CCNT2: variants seen among roughly 807,000 people sequenced by gnomAD.
The protein encoded by CCNT2 is cyclin T2, also known as cyclin-T2.
In CCNT2, 18 loss-of-function variants were observed where a neutral mutation model predicts 70.0. That is an observed-to-expected ratio of 0.26 (90% confidence interval 0.18 to 0.38). The LOEUF (loss-of-function observed/expected upper bound fraction) is 0.38. Among genes scored for constraint, CCNT2 ranks in the 10% least tolerant of loss-of-function variants. The pLI, the probability that CCNT2 is intolerant of heterozygous loss-of-function variation, is 1.00. For missense variants in CCNT2, 734 were observed against 890.2 expected (o/e 0.82, Z 2.23); for synonymous variants, 334 against 313.3 (o/e 1.07, Z -0.70).
chr2:134,944,577 T>A (rs1351945167), intron 5 of CCNT2: 3 of 973,582 alleles, frequency 3.1e-6, no homozygotes, highest in South Asian at 9.5e-5. Flanking sequence ...AAATTTGATA[T>A]GTCATCCAAA....
rs1055797801 is a variant in CCNT2 at position 134,958,972 on chromosome 2, G to A, written c.*4324G>A. The A allele has an allele frequency of 3.3e-5, 5 of 152,156 alleles. No individual in the cohort carries two copies. The highest frequency in any genetic ancestry group is 7.4e-5 in the Non-Finnish European group (5 of 68,026). 9.4% of individuals were successfully genotyped at this position (152,156 alleles called of 1,614,324 possible). ...CCATTTATCTCAAAGTTTGAGGGCT[G>A]TCTACTTTATTTTCAAGTTTGGGGC... is the stretch of plus-strand genomic sequence containing the variant. On this transcript the variant is annotated 3_prime_UTR_variant, in exon 9 of 9. Transcript: ENST00000264157.
chr2:134,924,578 T>C (rs899454570), intron 2 of CCNT2, among the ~76,000 whole-genome samples: 4 of 152,128 alleles, frequency 2.6e-5, no homozygotes, highest in Non-Finnish European at 5.9e-5. Flanking sequence ...GCCTCCTGGG[T>C]AGCTGGGATT....
At position 134,931,682 on chromosome 2, in the gene CCNT2, A is replaced by C. The variant is rs540137319; in HGVS notation, c.241-5159A>C. 7.9e-5 allele frequency among the ~76,000 whole-genome samples: 12 copies of C among 152,320 alleles called. 1 individual carries two copies. In the South Asian group the frequency reaches 2.5e-3, roughly 32 times the overall value. On this transcript the variant is annotated intron_variant, in intron 2 of 8. Coordinates refer to ENST00000264157, the MANE Select transcript of CCNT2 (RefSeq NM_058241.3). ...CTTCGTGATAATCTGTTCGAAGGAA[A>C]GTGGCCTTTTGTAACATTTATGTAG...
Position 134,939,017 on chromosome 2 carries a change from A to T in CCNT2, c.385A>T (p.Thr129Ser). 6.2e-7 allele frequency: 1 copy of T among 1,608,772 alleles called. No homozygotes were observed. Among genetic ancestry groups the T allele is most frequent in the Non-Finnish European group, 8.5e-7 (1 of 1,175,748 alleles). The change falls in exon 4 of 9, where the codon ACT becomes TCT. Residue 129 changes from threonine to serine, a missense_variant. This residue lies in a region of CCNT2 where 161 missense variants were observed against 303.8 expected (regional missense o/e 0.53). Transcript: ENST00000264157. ...TATCTGACAGGCTTACCTTCAACAGACTCAAGAACTGGTTATACTTGAAAC... is the reference window on the plus strand; with the variant it reads ...TATCTGACAGGCTTACCTTCAACAGTCTCAAGAACTGGTTATACTTGAAAC... Reference protein sequence around the residue: ...DTKCDAYLQQTQELVILETIM... With the variant: ...DTKCDAYLQQSQELVILETIM...
At position 134,954,449 on chromosome 2, in the gene CCNT2, C is replaced by T; in HGVS notation, c.1994C>T (p.Pro665Leu). The T allele has an allele frequency of 6.2e-7, 1 of 1,614,076 alleles. No homozygotes were observed. The highest frequency in any genetic ancestry group is 8.5e-7 in the Non-Finnish European group (1 of 1,179,994). ...TCTCACAACTCTGTTTTTAACCATCCCTTACCCCCTCCTCCCCCTGTCACA... is the reference window on the plus strand; with the variant it reads ...TCTCACAACTCTGTTTTTAACCATCTCTTACCCCCTCCTCCCCCTGTCACA... The part of the protein sequence containing the change: ...ISSHNSVFNH[P>L]LPPPPPVTYQ... The change falls in exon 9 of 9, where the codon CCC becomes CTC. Residue 665 changes from proline (P) to leucine (L), a missense_variant. Pro to Leu is a moderately conservative substitution (Grantham distance 98, BLOSUM62 -3). Coordinates refer to ENST00000264157, the MANE Select transcript of CCNT2 (RefSeq NM_058241.3).
In CCNT2 at chr2:134,936,889, G is replaced by C. The variant is rs1176953792; in HGVS notation, c.289G>C (p.Ala97Pro). 7 of 1,613,156 alleles carry C rather than the reference G, an allele frequency of 4.3e-6. No homozygotes were observed. Residue 97 changes from alanine (A) to proline (P), a missense_variant, in exon 3 of 9, where the codon GCT becomes CCT. Ala to Pro is a conservative substitution (Grantham distance 27). This residue lies in a region of CCNT2 where 161 missense variants were observed against 303.8 expected (regional missense o/e 0.53). Coordinates refer to ENST00000264157, the MANE Select transcript of CCNT2 (RefSeq NM_058241.3). ...LFLAAKVEEQ[A>P]RKLEHVIKVA... Reference sequence around the variant, plus strand: ...TTTGGCTGCAAAAGTGGAAGAACAGGCTCGAAAACTTGAACATGTTATCAA... The same window carrying C: ...TTTGGCTGCAAAAGTGGAAGAACAGCCTCGAAAACTTGAACATGTTATCAA...
chr2:134,942,933 A>G (rs13418192), intron 5 of CCNT2: 32,311 of 985,036 alleles, frequency 0.033, 803 homozygotes, highest in African/African-American at 0.13. Flanking sequence ...TTAGGACTCT[A>G]TCCATCCCCC....
rs141144689 is a variant in CCNT2, at chr2:134,949,175, C to T, written c.703+1276C>T. Among the ~76,000 whole-genome samples the T allele has an allele frequency of 9.9e-5, 15 of 152,264 alleles. No individual in the cohort carries two copies. The East Asian group carries it at 2.9e-3, about 29-fold the overall frequency. On this transcript the variant is annotated intron_variant, in intron 7 of 8. Coordinates refer to ENST00000264157, the MANE Select transcript of CCNT2 (RefSeq NM_058241.3). ...AGCTGGGACCATAGGCGCATGCCAC[C>T]ACGCCCAGCTAAGTTTTGTATTTTT...
chr2:134,923,037 T>C (rs1680027727), intron 2 of CCNT2, among the ~76,000 whole-genome samples: 1 of 152,200 alleles, frequency 6.6e-6, no homozygotes, highest in African/African-American at 2.4e-5. Flanking sequence ...TCCCGGCACT[T>C]TGGGATGCTG....
At chr2:134,937,423 C>A (rs943943194) in intron 3 of CCNT2, among the ~76,000 whole-genome samples, 2 of 152,156 alleles carry the variant, frequency 1.3e-5, no homozygotes, top group Admixed American at 1.3e-4. Flanking sequence ...TACTGCTTAT[C>A]TCTCTGATAC....
At chr2:134,937,620 C>G (rs1681255254) in intron 3 of CCNT2, among the ~76,000 whole-genome samples, 1 of 152,056 alleles carries the variant, frequency 6.6e-6, no homozygotes, top group Non-Finnish European at 1.5e-5. Flanking sequence ...AATTATGGCC[C>G]TTTAAAAATT....
chr2:134,936,151 C>CTTTTTTTT (rs10712483), intron 2 of CCNT2, among the ~76,000 whole-genome samples: 1 of 124,882 alleles, frequency 8.0e-6, no homozygotes. Context: ...CGCTTTTCAT[C>CTTTTTTTT]TTTTTTTTTT....
chr2:134,920,625 T>C (rs1679830000), intron 2 of CCNT2, among the ~76,000 whole-genome samples: 1 of 152,348 alleles, frequency 6.6e-6, no homozygotes, highest in East Asian at 1.9e-4. Context: ...ACACGCATAC[T>C]GTGTTGTGTG....
chr2:134,949,259 G>C (rs1682251850), intron 7 of CCNT2, among the ~76,000 whole-genome samples: 1 of 152,166 alleles, frequency 6.6e-6, no homozygotes, highest in African/African-American at 2.4e-5. Context: ...TGGGATTACA[G>C]GTTTGAGCCT....
intron 7 of CCNT2, among the ~76,000 whole-genome samples, chr2:134,949,243 A>G (rs774791992): frequency 1.3e-5 from 2 of 152,264 alleles, no homozygotes; most frequent in Middle Eastern, 3.4e-3. Flanking sequence ...TAGCCTCCCA[A>G]AGGGCTGGGA....
chr2:134,939,831 T>C (rs930818718), intron 4 of CCNT2, among the ~76,000 whole-genome samples: 1 of 152,232 alleles, frequency 6.6e-6, no homozygotes, highest in Non-Finnish European at 1.5e-5. Flanking sequence ...CTAAAGGTTA[T>C]ATCTTTGTAT....
At chr2:134,928,547 G>A (rs1190530047) in intron 2 of CCNT2, among the ~76,000 whole-genome samples, 1 of 152,004 alleles carries the variant, frequency 6.6e-6, no homozygotes, top group Non-Finnish European at 1.5e-5. Context: ...CAAAGTACTG[G>A]GATTACAGGC....
intron 7 of CCNT2, among the ~76,000 whole-genome samples, chr2:134,950,181 T>C (rs545151859): frequency 1.3e-5 from 2 of 152,312 alleles, no homozygotes; most frequent in South Asian, 2.1e-4. Flanking sequence ...ATCCTGTCTT[T>C]AGGTCAGAGG....
intron 5 of CCNT2, chr2:134,945,778 T>A (rs745322051): frequency 9.2e-6 from 12 of 1,297,510 alleles, no homozygotes; most frequent in Admixed American, 2.3e-5. Flanking sequence ...CTTTTTTTTT[T>A]AAATCCAGGA....
Sources: gnomAD v4.1 joint callset for allele counts (sites outside exome capture counted in the v4.1 genomes callset) on GRCh38, gnomAD v4.1.1 for gene constraint, gnomAD v4.1.1 regional missense constraint, MANE v1.5 for transcripts, NCBI Gene and HGNC (gene_info 2026-07-23, HGNC 2026-07-21) for gene names.